Variants in DNAH14 observed in about 807,000 individuals in gnomAD.
DNAH14 encodes the protein axonemal beta dynein heavy chain 14.
Under a neutral mutation model 520.9 loss-of-function variants are expected in DNAH14, and 478 were observed. The observed-to-expected ratio is 0.92, with a 90% confidence interval of 0.85 to 0.99. The LOEUF is 0.99. Among genes scored for constraint, DNAH14 ranks in the 50% least tolerant of loss-of-function variants. The pLI is 0.00. For synonymous variants in DNAH14, 1,581 were observed against 1,757.2 expected, an observed-to-expected ratio of 0.90 and a Z score of 2.51; for missense variants, 4,831 against 5,234.5, an observed-to-expected ratio of 0.92 and a Z score of 2.38.
intron 8 of DNAH14, among the ~76,000 whole-genome samples, chr1:224,976,269 C>T (rs1294465706): frequency 1.3e-5 from 2 of 151,668 alleles, no homozygotes; most frequent in Non-Finnish European, 2.9e-5. Flanking sequence ...GAGTTCAATT[C>T]CTGGGTATCC....
chr1:225,296,796 C>A (rs596166), intron 55 of DNAH14, among the ~76,000 whole-genome samples: 93,772 of 151,960 alleles, frequency 0.62, 29,566 homozygotes, highest in East Asian at 0.79. Flanking sequence ...AGTTCTTTGA[C>A]TATCTCATCC....
chr1:225,209,245 C>A (rs929039545), intron 41 of DNAH14, among the ~76,000 whole-genome samples: 3 of 152,172 alleles, frequency 2.0e-5, no homozygotes, highest in Non-Finnish European at 4.4e-5. Flanking sequence ...CATACTTTTT[C>A]TTCTGCCACA....
intron 20 of DNAH14, among the ~76,000 whole-genome samples, chr1:225,083,871 G>A (rs984352969): frequency 5.3e-5 from 8 of 152,114 alleles, no homozygotes; most frequent in Non-Finnish European, 1.2e-4. Context: ...CAATTTTAGT[G>A]ATATTTTTAT....
At chr1:225,380,066 T>G (rs1372581079) in intron 79 of DNAH14, 93 bp from the exon 80 acceptor site, 1 of 1,333,964 alleles carries the variant, frequency 7.5e-7, no homozygotes, top group Non-Finnish European at 1.0e-6. Context: ...ATATTCCTCC[T>G]GTCTACCAGT....
intron 54 of DNAH14, among the ~76,000 whole-genome samples, chr1:225,279,527 G>A (rs1249202676): frequency 2.0e-5 from 3 of 152,112 alleles, no homozygotes; most frequent in Non-Finnish European, 4.4e-5. Flanking sequence ...AGATTGGACA[G>A]TTCAAATGAG....
intron 75 of DNAH14, among the ~76,000 whole-genome samples, 168 bp from the exon 76 acceptor site, chr1:225,364,624 T>G (rs908159899): frequency 6.6e-6 from 1 of 152,140 alleles, no homozygotes; most frequent in Non-Finnish European, 1.5e-5. Flanking sequence ...AACTGATGGG[T>G]CGTGTGCAAA....
At chr1:225,128,022 T>C (rs985447600) in intron 27 of DNAH14, among the ~76,000 whole-genome samples, 1 of 152,206 alleles carries the variant, frequency 6.6e-6, no homozygotes, top group African/African-American at 2.4e-5. Context: ...TCTTTAAGAA[T>C]GTTGAATATT....
intron 3 of DNAH14, 127 bp downstream of exon 3, chr1:224,955,225 A>G (rs2060435171): frequency 9.9e-7 from 1 of 1,011,966 alleles, no homozygotes; most frequent in Non-Finnish European, 1.5e-6. Flanking sequence ...TGTCTATTTT[A>G]CTAACTTCAT....
At chr1:225,379,532 T>A (rs930183148) in intron 79 of DNAH14, among the ~76,000 whole-genome samples, 5 of 152,082 alleles carry the variant, frequency 3.3e-5, no homozygotes, top group Non-Finnish European at 7.4e-5. Context: ...TTTCTTTTTT[T>A]AAATTTTTTT....
chr1:225,016,762 C>CT (rs2065248885), intron 10 of DNAH14, among the ~76,000 whole-genome samples: 1 of 150,330 alleles, frequency 6.7e-6, no homozygotes, highest in African/African-American at 2.4e-5. Context: ...TTTTGTCTGC[C>CT]TGTGTTATTT....
rs919871366 is a variant in DNAH14 at position 225,007,450 on chromosome 1, G to C, written c.1013G>C (p.Cys338Ser). The C allele has an allele frequency of 2.6e-6, 4 of 1,539,528 alleles. No homozygotes were observed. The highest frequency in any genetic ancestry group is 2.8e-5 in the African/African-American group (2 of 72,642). The change falls in exon 10 of 86, where the codon TGT becomes TCT. Residue 338 changes from cysteine to serine, a missense_variant. Cys to Ser is a moderately radical substitution (Grantham distance 112). Transcript: ENST00000682510. ...SSRTYSLDEF[C>S]EEQLQQATQA... ...CGAACATATTCTCTAGATGAATTTT[G>C]TGAAGAGCAGTTACAGCAAGCTACC...
chr1:224,967,251 A>G (rs1184524814), intron 5 of DNAH14, among the ~76,000 whole-genome samples, 180 bp from the exon 6 acceptor site: 2 of 152,080 alleles, frequency 1.3e-5, no homozygotes, highest in Non-Finnish European at 2.9e-5. Context: ...CATAAGATTG[A>G]TCTTGTTGAA....
intron 64 of DNAH14, among the ~76,000 whole-genome samples, chr1:225,329,943 A>G (rs2094757894): frequency 6.6e-6 from 1 of 152,178 alleles, no homozygotes; most frequent in Non-Finnish European, 1.5e-5. Context: ...CAGAGCTCAA[A>G]CATCTCTATA....
At chr1:225,310,042 A>C (rs908020067) in intron 60 of DNAH14, among the ~76,000 whole-genome samples, 26 of 150,918 alleles carry the variant, frequency 1.7e-4, no homozygotes, top group African/African-American at 6.3e-4. Flanking sequence ...TAAATAAATA[A>C]ATAAAAATAA....
intron 10 of DNAH14, among the ~76,000 whole-genome samples, chr1:225,022,990 A>G (rs2065829847): frequency 6.6e-6 from 1 of 152,200 alleles, no homozygotes; most frequent in South Asian, 2.1e-4. Context: ...TGACACAGGA[A>G]CAGAAACCAA....
chr1:225,147,326 A>T, intron 31 of DNAH14, 77 bp downstream of exon 31: 1 of 1,356,534 alleles, frequency 7.4e-7, no homozygotes. Context: ...ATTGTTAAAT[A>T]TTTTCCCCAA....
At chr1:225,248,357 A>T (rs906590874) in intron 43 of DNAH14, among the ~76,000 whole-genome samples, 17 of 152,324 alleles carry the variant, frequency 1.1e-4, no homozygotes, top group African/African-American at 4.1e-4. Flanking sequence ...GTAACTTTTT[A>T]TTAAAAAGAC....
In DNAH14 at chr1:225,147,243, C is replaced by G. The variant is rs1333310820; in HGVS notation, c.4934C>G (p.Ser1645Cys). 7.0e-5 allele frequency: 108 copies of G among 1,543,402 alleles called. No homozygotes were observed. Among genetic ancestry groups the G allele is most frequent in the Non-Finnish European group, 9.3e-5 (107 of 1,144,756 alleles). Residue 1645 changes from serine (S) to cysteine (C), a missense_variant, in exon 31 of 86, where the codon TCT (serine) becomes TGT (cysteine). Ser to Cys is a moderately radical substitution (Grantham distance 112, BLOSUM62 -1). Transcript: ENST00000682510. Reference sequence around the variant, plus strand: ...ATTAAGGCTGCAAAAGACAACTATTCTGCCAGGTATTTGTCGAATGTGTTT... The same window carrying G: ...ATTAAGGCTGCAAAAGACAACTATTGTGCCAGGTATTTGTCGAATGTGTTT... ...LTIKAAKDNYSARFVLEGKEI... is the reference protein window; with the variant it reads ...LTIKAAKDNYCARFVLEGKEI...
chr1:225,209,196 T>TA (rs1468468687), intron 41 of DNAH14, among the ~76,000 whole-genome samples: 1 of 152,194 alleles, frequency 6.6e-6, no homozygotes, highest in Non-Finnish European at 1.5e-5. Flanking sequence ...TAAAAGAAAT[T>TA]AGAGACTGAG....
Sources: gnomAD v4.1 joint callset for allele counts (sites outside exome capture counted in the v4.1 genomes callset) on GRCh38, gnomAD v4.1.1 for gene constraint, MANE v1.5 for transcripts, NCBI Gene and HGNC (gene_info 2026-07-23, HGNC 2026-07-21) for gene names.